PCDHGA6: variants seen among roughly 807,000 people sequenced by gnomAD.
PCDHGA6 encodes protocadherin gamma subfamily A, 6.
PCDHGA6 carries 41 observed loss-of-function variants against 60.6 expected under a neutral mutation model. The observed-to-expected ratio is 0.68, with a 90% CI of 0.53 to 0.88. The LOEUF (loss-of-function observed/expected upper bound fraction) is 0.88. PCDHGA6 is among the 40% of genes least tolerant of loss of function. The probability of loss-of-function intolerance (pLI) is 0.00; values close to 1 mark genes in which losing one functional copy is unlikely to be tolerated. For missense variants in PCDHGA6, 1,312 were observed against 1,203.0 expected (o/e 1.09, Z -1.34); for synonymous variants, 594 against 524.4 (o/e 1.13, Z -1.81).
chr5:141,510,802 C>T (rs1358684730), intron 3 of PCDHGA6, 145 bp from the exon 4 acceptor site: 1 of 1,497,192 alleles, frequency 6.7e-7, no homozygotes, highest in African/African-American at 1.4e-5. Context: ...AGAGAGACTA[C>T]CTTGGTGACC....
At chr5:141,409,184 T>C in intron 1 of PCDHGA6, 1 of 1,614,044 alleles carries the variant, frequency 6.2e-7, no homozygotes, top group Non-Finnish European at 8.5e-7. Context: ...AGGTGGTCTC[T>C]CTACCCAGTG....
chr5:141,475,248 C>T (rs1400887912), intron 1 of PCDHGA6, among the ~76,000 whole-genome samples: 2 of 152,166 alleles, frequency 1.3e-5, no homozygotes, highest in African/African-American at 4.8e-5. Context: ...AGAGTGTGCT[C>T]TACAACTGAG....
chr5:141,384,178 G>A, intron 1 of PCDHGA6: 2 of 1,613,788 alleles, frequency 1.2e-6, no homozygotes, highest in Non-Finnish European at 1.7e-6. Flanking sequence ...AGCCACAGAT[G>A]GTGGAACTCC....
intron 1 of PCDHGA6, chr5:141,400,372 A>G: frequency 6.2e-7 from 1 of 1,613,980 alleles, no homozygotes; most frequent in Non-Finnish European, 8.5e-7. Flanking sequence ...TTATTCCTAC[A>G]ACCTATGTGT....
chr5:141,432,601 G>C lies in PCDHGA6; in HGVS notation c.2424+56094G>C. The C allele has an allele frequency of 6.2e-7, 1 of 1,613,952 alleles. No homozygotes were observed. The highest frequency in any genetic ancestry group is 8.5e-7 in the Non-Finnish European group (1 of 1,179,984). On this transcript the variant is annotated intron_variant, in intron 1 of 3. Coordinates refer to ENST00000517434, the MANE Select transcript of PCDHGA6 (RefSeq NM_018919.3). The surrounding 1 kb of genome is among the most constrained non-coding windows in gnomAD (Gnocchi z 6.0). ...ACCGTCTGCTCAAGGCCAGCGAGCC[G>C]GGACTCTTCTCGGTGGGTCTGCACA...
chr5:141,400,321 G>A lies in PCDHGA6; in HGVS notation c.2424+23814G>A, dbSNP rs190006023. On this transcript the variant is annotated intron_variant, in intron 1 of 3. Coordinates refer to ENST00000517434, the MANE Select transcript of PCDHGA6 (RefSeq NM_018919.3). ...CCAACCTGGTCTCTGTGTCAAGTCTGGACCTGTGGTTCCCCCCAACTACAG... is the reference window on the plus strand; with the variant it reads ...CCAACCTGGTCTCTGTGTCAAGTCTAGACCTGTGGTTCCCCCCAACTACAG... The A allele has an allele frequency of 9.3e-6, 15 of 1,614,064 alleles. No homozygotes were observed. In the Admixed American group the frequency reaches 2.5e-4, roughly 27 times the overall value.
chr5:141,423,749 T>TG, intron 1 of PCDHGA6: 2 of 272,262 alleles, frequency 7.3e-6, no homozygotes, highest in Non-Finnish European at 4.7e-6. Flanking sequence ...TGAAAACTGT[T>TG]TGGGGGGGGG....
At position 141,432,950 on chromosome 5, in the gene PCDHGA6, G is replaced by A. The variant is rs750033444; in HGVS notation, c.2424+56443G>A. 9.9e-6 allele frequency: 16 copies of A among 1,614,190 alleles called. No individual in the cohort carries two copies. The highest frequency in any genetic ancestry group is 1.3e-5 in the African/African-American group (1 of 75,060). ...ACGCCTGCTGCAGGCTTCAGGAGGC[G>A]GCTTGACAGGAGCGCCGGCGTCGCA... is the stretch of plus-strand genomic sequence containing the variant. On this transcript the variant is annotated intron_variant, in intron 1 of 3. Coordinates refer to ENST00000517434, the MANE Select transcript of PCDHGA6 (RefSeq NM_018919.3). This position sits in a 1 kb window ranked among gnomAD's most constrained non-coding sequence, Gnocchi z 6.0.
Position 141,399,669 on chromosome 5 carries a change from C to T in PCDHGA6, c.2424+23162C>T, listed in dbSNP as rs2093861369. 1.9e-6 allele frequency: 3 copies of T among 1,613,524 alleles called. No individual in the cohort carries two copies. The African/African-American group carries it at 4.0e-5, about 22-fold the overall frequency. On this transcript the variant is annotated intron_variant, in intron 1 of 3. Coordinates refer to ENST00000517434, the MANE Select transcript of PCDHGA6 (RefSeq NM_018919.3). ...AAAGTGGGGTGGTGTTCGCGCAGCG[C>T]GCCTTTGACTACGAGCAGCTGCGCA...
chr5:141,385,657 C>T, intron 1 of PCDHGA6: 1 of 611,856 alleles, frequency 1.6e-6, no homozygotes, highest in Admixed American at 4.9e-5. Context: ...ACAAGGTTAG[C>T]AGGAATAAAA....
chr5:141,443,244 G>A (rs1277982376), intron 1 of PCDHGA6, among the ~76,000 whole-genome samples: 4 of 151,542 alleles, frequency 2.6e-5, no homozygotes, highest in African/African-American at 9.7e-5. Flanking sequence ...ACTTTGGGGC[G>A]CCAAGGCGGG....
At chr5:141,410,369 A>G in intron 1 of PCDHGA6, 1 of 1,613,954 alleles carries the variant, frequency 6.2e-7, no homozygotes. Context: ...CAGCCCTGCT[A>G]CTTGGGACTG....
chr5:141,474,500 C>G (rs183956979), intron 1 of PCDHGA6, among the ~76,000 whole-genome samples: 31 of 152,324 alleles, frequency 2.0e-4, no homozygotes, highest in African/African-American at 6.3e-4. Context: ...CTTCTAATGC[C>G]TATCAGCCCT....
rs369851570 is a variant in PCDHGA6, at chr5:141,408,393, G to T, written c.2424+31886G>T. 1.7e-5 allele frequency: 28 copies of T among 1,613,918 alleles called. No individual in the cohort carries two copies. In the Admixed American group the frequency reaches 2.2e-4, roughly 12 times the overall value. On this transcript the variant is annotated intron_variant, in intron 1 of 3. Coordinates refer to ENST00000517434, the MANE Select transcript of PCDHGA6 (RefSeq NM_018919.3). Reference sequence around the variant, plus strand: ...CTCAGTGTCCTGGATGTGTCGGCTCGCAAGCTGCGAGTGAGCGCGGAGAAG... The same window carrying T: ...CTCAGTGTCCTGGATGTGTCGGCTCTCAAGCTGCGAGTGAGCGCGGAGAAG...
intron 1 of PCDHGA6, among the ~76,000 whole-genome samples, chr5:141,484,685 T>G (rs2099599013): frequency 6.6e-6 from 1 of 151,934 alleles, no homozygotes; most frequent in Non-Finnish European, 1.5e-5. Flanking sequence ...TTGCTAGGGC[T>G]CAGGCTGTGG....
At chr5:141,450,489 CTG>C (rs2098682348) in intron 1 of PCDHGA6, among the ~76,000 whole-genome samples, 1 of 150,280 alleles carries the variant, frequency 6.7e-6, no homozygotes, top group Admixed American at 6.6e-5. Context: ...GTTTGTTTGT[CTG>C]TTTGTTTGTT....
chr5:141,440,321 C>T (rs1048535776), intron 1 of PCDHGA6: 1 of 152,104 alleles, frequency 6.6e-6, no homozygotes, highest in African/African-American at 2.4e-5. Context: ...ACAAAAATTA[C>T]TGGGCATGGT....
intron 1 of PCDHGA6, chr5:141,410,053 C>T: frequency 6.2e-7 from 1 of 1,613,160 alleles, no homozygotes; most frequent in African/African-American, 1.3e-5. Context: ...CCGGACTCTT[C>T]AGCCTGGGGC....
rs2095403267 is a variant in PCDHGA6, at chr5:141,410,523, A to C, written c.2424+34016A>C. 2 of 1,613,800 alleles carry C rather than the reference A, an allele frequency of 1.2e-6. No individual in the cohort carries two copies. Among genetic ancestry groups the C allele is most frequent in the African/African-American group, 2.7e-5 (2 of 74,910 alleles). ...TTCCTAAAATGCAGTGTGCCCCTAC[A>C]TTCCAATGAAGACATGGTTTGCAGT... On this transcript the variant is annotated intron_variant, in intron 1 of 3. Coordinates refer to ENST00000517434, the MANE Select transcript of PCDHGA6 (RefSeq NM_018919.3).
Sources: allele counts gnomAD v4.1 joint callset (sites outside exome capture counted in the v4.1 genomes callset), GRCh38; gene constraint gnomAD v4.1.1; non-coding constraint Gnocchi (gnomAD v3.1); transcripts MANE v1.5; gene names NCBI Gene and HGNC (gene_info 2026-07-23, HGNC 2026-07-21).